The following FOXP1 variants were observed in gnomAD, a reference collection of about 807,000 sequenced individuals.
FOXP1 encodes the protein forkhead box P1, also known as forkhead box protein P1.
In FOXP1, 15 loss-of-function variants were observed where a neutral mutation model predicts 98.2. That is an observed-to-expected ratio of 0.15 (90% confidence interval 0.10 to 0.24). FOXP1 has a LOEUF of 0.24. FOXP1 is among the 10% of genes least tolerant of loss of function. FOXP1 has a pLI of 1.00. For synonymous variants in FOXP1, 371 were observed against 314.5 expected (o/e 1.18, Z -1.90); for missense variants, 633 against 848.5 (o/e 0.75, Z 3.15).
Position 71,136,547 on chromosome 3 carries a change from T to C in FOXP1, c.181-23910A>G, listed in dbSNP as rs182753583. ...GACTCATAAGAATAGACATATTAGCTGCAAAATGAAAGGCAACTGAGCTGC... is the reference window on the plus strand; with the variant it reads ...GACTCATAAGAATAGACATATTAGCCGCAAAATGAAAGGCAACTGAGCTGC... On this transcript the variant is annotated intron_variant, in intron 6 of 20. Transcript: ENST00000649528. Among the ~76,000 whole-genome samples the C allele has an allele frequency of 4.3e-4, 66 of 152,328 alleles. 3 individuals carry two copies. The highest frequency in any genetic ancestry group is 1.4e-3 in the African/African-American group (60 of 41,578).
intron 3 of FOXP1, among the ~76,000 whole-genome samples, chr3:71,364,993 A>T (rs1405762306): frequency 6.6e-6 from 1 of 152,244 alleles, no homozygotes; most frequent in African/African-American, 2.4e-5. Context: ...CTGGTGCCAC[A>T]GCTCTCTATT....
chr3:71,021,923 C>T (rs913316199), intron 11 of FOXP1, among the ~76,000 whole-genome samples: 1 of 152,122 alleles, frequency 6.6e-6, no homozygotes, highest in African/African-American at 2.4e-5. Context: ...ACTTTCTTTA[C>T]GGTGTGCTTT....
chr3:71,186,198 G>A (rs960363982), intron 6 of FOXP1, among the ~76,000 whole-genome samples: 14 of 152,202 alleles, frequency 9.2e-5, no homozygotes, highest in Admixed American at 7.2e-4. Flanking sequence ...CATGGAGCCA[G>A]GGCCAAGGAC....
intron 6 of FOXP1, among the ~76,000 whole-genome samples, chr3:71,119,640 T>A (rs1178483461): frequency 6.6e-6 from 1 of 152,204 alleles, no homozygotes; most frequent in Admixed American, 6.5e-5. Flanking sequence ...GCTATCTTTG[T>A]TCAACCCCAG....
chr3:71,298,203 A>G (rs538139522), intron 5 of FOXP1, among the ~76,000 whole-genome samples: 272 of 152,282 alleles, frequency 1.8e-3, no homozygotes, highest in Middle Eastern at 0.01. Flanking sequence ...GCAGTGCCTC[A>G]CGCCTGTAAT....
chr3:70,993,989 C>A (rs556575714), intron 13 of FOXP1, among the ~76,000 whole-genome samples: 1 of 133,232 alleles, frequency 7.5e-6, no homozygotes, highest in Non-Finnish European at 1.6e-5. Context: ...AGCAAAACTC[C>A]GTCTCAAAAG....
intron 6 of FOXP1, among the ~76,000 whole-genome samples, chr3:71,193,746 G>T (rs139897657): frequency 0.011 from 1,638 of 152,274 alleles, 18 homozygotes; most frequent in Middle Eastern, 0.037. Flanking sequence ...ACCACAGACA[G>T]CCTCTACATC....
intron 5 of FOXP1, among the ~76,000 whole-genome samples, chr3:71,266,813 A>T (rs1242025658): frequency 1.3e-5 from 2 of 152,176 alleles, no homozygotes; most frequent in Non-Finnish European, 2.9e-5. Flanking sequence ...GTAAGTGAGA[A>T]CATGTGGTAC....
At chr3:71,115,123 G>C (rs955714199) in intron 6 of FOXP1, among the ~76,000 whole-genome samples, 5 of 152,016 alleles carry the variant, frequency 3.3e-5, no homozygotes, top group African/African-American at 1.2e-4. Flanking sequence ...TTGGTTGCTA[G>C]TTGGAAAGGC....
rs1339038431 is a variant in FOXP1, at chr3:71,327,382, G to A, written c.-72-27502C>T. Among the ~76,000 whole-genome samples, 8 of 3,736 alleles carry A rather than the reference G, an allele frequency of 2.1e-3. No individual in the cohort carries two copies. The Admixed American group carries it at 0.085, about 40-fold the overall frequency. 2.5% of individuals were successfully genotyped at this position (3,736 alleles called of 152,430 possible). ...TAGGTGTGCATCACCACCATGTCCA[G>A]CTAATTTTTTTTTTTTTTTTTTTTA... On this transcript the variant is annotated intron_variant, in intron 4 of 20. Coordinates refer to ENST00000649528, the MANE Select transcript of FOXP1 (RefSeq NM_001349338.3).
intron 4 of FOXP1, chr3:71,329,722 T>C (rs1210076584): frequency 1.3e-5 from 2 of 152,218 alleles, no homozygotes; most frequent in Non-Finnish European, 2.9e-5. Context: ...ATACTTTCTA[T>C]AGTACAGCAC....
At chr3:71,381,667 C>T (rs1229389009) in intron 3 of FOXP1, among the ~76,000 whole-genome samples, 1 of 152,020 alleles carries the variant, frequency 6.6e-6, no homozygotes, top group Non-Finnish European at 1.5e-5. Flanking sequence ...TGGTCTCAAA[C>T]TCCTGGGCTC....
intron 3 of FOXP1, among the ~76,000 whole-genome samples, chr3:71,468,866 T>C (rs2089047472): frequency 1.3e-5 from 2 of 152,070 alleles, no homozygotes; most frequent in South Asian, 4.1e-4. Flanking sequence ...TGACTGAAGA[T>C]CTGAAAGAGA....
chr3:71,489,164 GA>G (rs2090885071), intron 3 of FOXP1, among the ~76,000 whole-genome samples: 1 of 152,102 alleles, frequency 6.6e-6, no homozygotes, highest in Non-Finnish European at 1.5e-5. Flanking sequence ...ATTTTAAAAA[GA>G]AAGGAACTCC....
At chr3:71,035,631 A>T (rs2047474787) in intron 11 of FOXP1, among the ~76,000 whole-genome samples, 1 of 152,222 alleles carries the variant, frequency 6.6e-6, no homozygotes, top group Non-Finnish European at 1.5e-5. Context: ...AGGAAGTAGC[A>T]GTTAACAATT....
At chr3:71,068,412 G>C (rs933807501) in intron 7 of FOXP1, among the ~76,000 whole-genome samples, 1 of 152,168 alleles carries the variant, frequency 6.6e-6, no homozygotes. Flanking sequence ...CAGGAGGAGC[G>C]TCTCCTCAGG....
intron 3 of FOXP1, among the ~76,000 whole-genome samples, chr3:71,361,538 T>C (rs2078570298): frequency 6.6e-6 from 1 of 152,346 alleles, no homozygotes; most frequent in Admixed American, 6.5e-5. Flanking sequence ...CACACTCGAT[T>C]GCAGGTTTGG....
chr3:71,501,374 C>G (rs2041342479), intron 2 of FOXP1, among the ~76,000 whole-genome samples: 1 of 151,080 alleles, frequency 6.6e-6, no homozygotes, highest in South Asian at 2.1e-4. Flanking sequence ...GGCTCACCAC[C>G]ACCTCCGACT....
chr3:71,085,714 A>G (rs1472669756), intron 7 of FOXP1, among the ~76,000 whole-genome samples: 3 of 37,986 alleles, frequency 7.9e-5, no homozygotes, highest in African/African-American at 1.6e-4. Flanking sequence ...TGGTTCTTGT[A>G]TGGTGGGTAT....
Sources: allele counts gnomAD v4.1 joint callset (sites outside exome capture counted in the v4.1 genomes callset), GRCh38; gene constraint gnomAD v4.1.1; transcripts MANE v1.5; gene names NCBI Gene and HGNC (gene_info 2026-07-23, HGNC 2026-07-21).